Variants in ZNF277 observed in about 807,000 individuals in gnomAD.
The protein encoded by ZNF277 is nuclear receptor-interacting factor 4.
Under a neutral mutation model 60.7 loss-of-function variants are expected in ZNF277, and 55 were observed. The ratio of observed to expected loss-of-function variants is 0.91; its 90% CI spans 0.73 to 1.13. The LOEUF (loss-of-function observed/expected upper bound fraction) is 1.13, where lower values mean the gene tolerates loss of function less well. Among genes scored for constraint, ZNF277 ranks in the 50% most tolerant of loss-of-function variants. The probability of loss-of-function intolerance (pLI) is 0.00; values close to 1 mark genes in which losing one functional copy is unlikely to be tolerated. For synonymous variants in ZNF277, 178 were observed against 179.3 expected (o/e 0.99, Z 0.06); for missense variants, 510 against 523.0 (o/e 0.98, Z 0.24).
intron 10 of ZNF277, among the ~76,000 whole-genome samples, chr7:112,340,487 T>A (rs573156763): frequency 5.9e-5 from 9 of 152,362 alleles, no homozygotes; most frequent in Non-Finnish European, 1.2e-4. Context: ...GGTCCTTGGA[T>A]GTGTTACTTT....
intron 5 of ZNF277, among the ~76,000 whole-genome samples, chr7:112,319,204 A>G (rs1206871872): frequency 6.6e-6 from 1 of 152,004 alleles, no homozygotes; most frequent in Admixed American, 6.6e-5. Context: ...CCCTCTCTGG[A>G]GGTCTGACTG....
At chr7:112,338,983 G>T (rs1320211109) in intron 9 of ZNF277, among the ~76,000 whole-genome samples, 1 of 152,176 alleles carries the variant, frequency 6.6e-6, no homozygotes, top group Non-Finnish European at 1.5e-5. Context: ...ACAGACAATT[G>T]CAGGTGTCAA....
chr7:112,245,455 A>G (rs1791062439), intron 1 of ZNF277, among the ~76,000 whole-genome samples: 1 of 152,172 alleles, frequency 6.6e-6, no homozygotes, highest in Admixed American at 6.5e-5. Flanking sequence ...TGTTGTGGAT[A>G]CGTTCGTTTT....
intron 4 of ZNF277, among the ~76,000 whole-genome samples, chr7:112,314,664 T>A (rs1239603669): frequency 2.0e-5 from 3 of 151,996 alleles, no homozygotes; most frequent in Non-Finnish European, 4.4e-5. Context: ...GGCATAGTTG[T>A]ATGCCCCTGT....
At chr7:112,303,522 A>G (rs1256448637) in intron 4 of ZNF277, among the ~76,000 whole-genome samples, 1 of 152,066 alleles carries the variant, frequency 6.6e-6, no homozygotes, top group Non-Finnish European at 1.5e-5. Context: ...ATACCGAGTC[A>G]TGCCATGCTG....
chr7:112,329,270 A>G (rs1344261135), intron 6 of ZNF277, among the ~76,000 whole-genome samples: 1 of 152,154 alleles, frequency 6.6e-6, no homozygotes, highest in Non-Finnish European at 1.5e-5. Context: ...GGCTCCAGAA[A>G]GTAGAACTCT....
intron 11 of ZNF277, among the ~76,000 whole-genome samples, chr7:112,341,844 C>CTAGT (rs1793451580): frequency 6.6e-6 from 1 of 152,152 alleles, no homozygotes; most frequent in Non-Finnish European, 1.5e-5. Flanking sequence ...CCAGAAAGTT[C>CTAGT]TAGTTTTTCT....
chr7:112,290,520 A>G (rs1030395817), intron 2 of ZNF277, among the ~76,000 whole-genome samples: 1 of 152,218 alleles, frequency 6.6e-6, no homozygotes, highest in Non-Finnish European at 1.5e-5. Flanking sequence ...AAAAGGATGC[A>G]TATCTGATAT....
intron 4 of ZNF277, among the ~76,000 whole-genome samples, chr7:112,298,393 G>C (rs907975956): frequency 6.6e-6 from 1 of 152,126 alleles, no homozygotes; most frequent in Non-Finnish European, 1.5e-5. Context: ...AGATACATAT[G>C]CATCTAAATG....
chr7:112,324,555 C>T (rs932887049), intron 5 of ZNF277, among the ~76,000 whole-genome samples: 5 of 152,090 alleles, frequency 3.3e-5, no homozygotes, highest in South Asian at 2.1e-4. Flanking sequence ...CATAAGGTGC[C>T]ATCTCTACTC....
intron 1 of ZNF277, among the ~76,000 whole-genome samples, chr7:112,269,869 T>C (rs144720696): frequency 1.1e-4 from 17 of 152,236 alleles, no homozygotes; most frequent in African/African-American, 4.1e-4. Flanking sequence ...GTATTATTCT[T>C]CCCTAAAAAT....
At chr7:112,262,264 AAG>A (rs1791455493) in intron 1 of ZNF277, among the ~76,000 whole-genome samples, 1 of 151,758 alleles carries the variant, frequency 6.6e-6, no homozygotes, top group South Asian at 2.1e-4. Context: ...AAAAAAAAAA[AAG>A]ATCATTGAGC....
chr7:112,338,134 G>A (rs1269363455), intron 9 of ZNF277, among the ~76,000 whole-genome samples: 1 of 152,180 alleles, frequency 6.6e-6, no homozygotes, highest in Non-Finnish European at 1.5e-5. Flanking sequence ...AGTGCTTCTT[G>A]TGCTGGTGAA....
At chr7:112,241,332 AT>A (rs1790949319) in intron 1 of ZNF277, among the ~76,000 whole-genome samples, 2 of 152,190 alleles carry the variant, frequency 1.3e-5, no homozygotes. Flanking sequence ...CTCAGTTAAA[AT>A]GGCTTTCATG....
chr7:112,254,183 C>G (rs1791255789), intron 1 of ZNF277, among the ~76,000 whole-genome samples: 1 of 152,186 alleles, frequency 6.6e-6, no homozygotes, highest in African/African-American at 2.4e-5. Context: ...AGCAATAAAC[C>G]ACATTTGAGA....
At chr7:112,212,329 C>T (rs1157847188) in intron 1 of ZNF277, among the ~76,000 whole-genome samples, 2 of 152,144 alleles carry the variant, frequency 1.3e-5, no homozygotes, top group Non-Finnish European at 2.9e-5. Context: ...AGTCCAGTCT[C>T]ATATATTTGA....
At chr7:112,248,386 G>A (rs1403104642) in intron 1 of ZNF277, among the ~76,000 whole-genome samples, 1 of 151,104 alleles carries the variant, frequency 6.6e-6, no homozygotes, top group East Asian at 1.9e-4. Context: ...TAAAATCTCA[G>A]GAAGCTCAAT....
chr7:112,232,708 TA>T (rs1228583669), intron 1 of ZNF277, among the ~76,000 whole-genome samples: 1 of 152,146 alleles, frequency 6.6e-6, no homozygotes, highest in African/African-American at 2.4e-5. Flanking sequence ...TTGCAGTGTC[TA>T]AGTCAAAAAT....
intron 1 of ZNF277, among the ~76,000 whole-genome samples, chr7:112,272,516 CAG>C (rs750846525): frequency 1.4e-3 from 212 of 152,236 alleles, no homozygotes; most frequent in Middle Eastern, 3.4e-3. Flanking sequence ...TTTTTCGAGA[CAG>C]AGTCTTCCTC....
Sources: allele counts gnomAD v4.1 joint callset (sites outside exome capture counted in the v4.1 genomes callset), GRCh38; gene constraint gnomAD v4.1.1; transcripts MANE v1.5; gene names NCBI Gene and HGNC (gene_info 2026-07-23, HGNC 2026-07-21).